Variants in SEMA6D observed in about 807,000 individuals in gnomAD.
SEMA6D encodes semaphorin 6D.
Under a neutral mutation model 106.6 loss-of-function variants are expected in SEMA6D, and 35 were observed. The observed-to-expected ratio is 0.33, with a 90% confidence interval of 0.25 to 0.44. The LOEUF (loss-of-function observed/expected upper bound fraction) is 0.44. Among genes scored for constraint, SEMA6D ranks in the 20% least tolerant of loss-of-function variants. The pLI is 1.00. For missense variants in SEMA6D, 1,185 were observed against 1,345.9 expected (o/e 0.88, Z 1.87); for synonymous variants, 499 against 487.7 (o/e 1.02, Z -0.31).
At chr15:47,314,668 C>G (rs1480036290) in intron 1 of SEMA6D, among the ~76,000 whole-genome samples, 2 of 148,404 alleles carry the variant, frequency 1.3e-5, no homozygotes, top group East Asian at 2.0e-4. Context: ...TAATCAGATA[C>G]TTCTTTTGCA....
chr15:47,553,160 T>G (rs977959588), intron 3 of SEMA6D, among the ~76,000 whole-genome samples: 1 of 151,388 alleles, frequency 6.6e-6, no homozygotes, highest in African/African-American at 2.4e-5. Flanking sequence ...CATCTTGACC[T>G]CCAAAAGTGC....
chr15:47,352,829 C>T (rs553277312), intron 1 of SEMA6D, among the ~76,000 whole-genome samples: 1 of 152,272 alleles, frequency 6.6e-6, no homozygotes, highest in South Asian at 2.1e-4. Context: ...CTAATAGACT[C>T]AGTCACCCAA....
intron 4 of SEMA6D, among the ~76,000 whole-genome samples, chr15:47,630,931 A>G (rs1420810604): frequency 1.3e-5 from 2 of 151,906 alleles, no homozygotes; most frequent in Non-Finnish European, 2.9e-5. Flanking sequence ...CCAGTCTTGC[A>G]TACCTGGAAT....
intron 1 of SEMA6D, among the ~76,000 whole-genome samples, chr15:47,373,164 G>A (rs1319915489): frequency 6.6e-6 from 1 of 152,176 alleles, no homozygotes; most frequent in Non-Finnish European, 1.5e-5. Context: ...CCAGGGATAT[G>A]TGACTATGGA....
chr15:47,688,691 A>T (rs570720238), intron 4 of SEMA6D, among the ~76,000 whole-genome samples: 36 of 152,134 alleles, frequency 2.4e-4, no homozygotes, highest in Non-Finnish European at 4.7e-4. Context: ...TTGGAAGAGG[A>T]CTTATTTTCA....
At chr15:47,339,602 C>T (rs1180184601) in intron 1 of SEMA6D, among the ~76,000 whole-genome samples, 1 of 152,162 alleles carries the variant, frequency 6.6e-6, no homozygotes, top group Non-Finnish European at 1.5e-5. Context: ...GGTGCAATGG[C>T]TCAAGCCTGT....
At chr15:47,567,955 A>G (rs544235531) in intron 3 of SEMA6D, among the ~76,000 whole-genome samples, 3 of 152,322 alleles carry the variant, frequency 2.0e-5, no homozygotes, top group South Asian at 2.1e-4. Context: ...GCCAATAAAC[A>G]TGAAATAAGG....
At chr15:47,571,360 A>C (rs896407958) in intron 3 of SEMA6D, among the ~76,000 whole-genome samples, 2 of 152,252 alleles carry the variant, frequency 1.3e-5, no homozygotes, top group Admixed American at 6.5e-5. Context: ...GAATTTATTC[A>C]AGTGGCTGCC....
chr15:47,415,195 G>A (rs978341039), intron 2 of SEMA6D, among the ~76,000 whole-genome samples: 1 of 152,092 alleles, frequency 6.6e-6, no homozygotes, highest in African/African-American at 2.4e-5. Context: ...ACACTTGACT[G>A]CTCTTATTAA....
chr15:47,219,794 A>G (rs1286196188), intron 1 of SEMA6D, among the ~76,000 whole-genome samples: 1 of 152,236 alleles, frequency 6.6e-6, no homozygotes, highest in Non-Finnish European at 1.5e-5. Flanking sequence ...TCAGCAATAT[A>G]AGCTCCGGTC....
intron 3 of SEMA6D, among the ~76,000 whole-genome samples, chr15:47,546,836 C>G (rs2045537525): frequency 6.6e-6 from 1 of 152,000 alleles, no homozygotes; most frequent in Non-Finnish European, 1.5e-5. Flanking sequence ...ATCTGTGCCC[C>G]TAAGACACAG....
chr15:47,473,897 C>T (rs916816208), intron 3 of SEMA6D, among the ~76,000 whole-genome samples: 7 of 151,918 alleles, frequency 4.6e-5, no homozygotes, highest in African/African-American at 1.7e-4. Flanking sequence ...TTTGTAATCT[C>T]GCAATTCTGG....
chr15:47,591,951 A>G (rs1043866692), intron 3 of SEMA6D, among the ~76,000 whole-genome samples: 1 of 152,170 alleles, frequency 6.6e-6, no homozygotes, highest in Non-Finnish European at 1.5e-5. Context: ...AACTACGGTC[A>G]CATACACCAC....
At chr15:47,341,973 T>C (rs1254723637) in intron 1 of SEMA6D, among the ~76,000 whole-genome samples, 1 of 152,060 alleles carries the variant, frequency 6.6e-6, no homozygotes, top group Non-Finnish European at 1.5e-5. Flanking sequence ...GTGAAATCAT[T>C]CCATGTCTTC....
At chr15:47,293,187 C>G (rs2035662213) in intron 1 of SEMA6D, among the ~76,000 whole-genome samples, 1 of 152,126 alleles carries the variant, frequency 6.6e-6, no homozygotes, top group Non-Finnish European at 1.5e-5. Flanking sequence ...CCTGGTTCTT[C>G]CTTGCATGAA....
intron 4 of SEMA6D, among the ~76,000 whole-genome samples, chr15:47,672,395 A>G (rs755476926): frequency 1.3e-5 from 2 of 152,226 alleles, no homozygotes; most frequent in Non-Finnish European, 2.9e-5. Flanking sequence ...TCTGTTGACT[A>G]CAGACCACAA....
At chr15:47,718,261 C>T (rs897025609) in intron 1 of SEMA6D, among the ~76,000 whole-genome samples, 2 of 152,182 alleles carry the variant, frequency 1.3e-5, no homozygotes, top group Non-Finnish European at 2.9e-5. Context: ...GACGCTGGGA[C>T]GCCCGGGGTC....
At chr15:47,274,015 G>C (rs74013766) in intron 1 of SEMA6D, among the ~76,000 whole-genome samples, 1 of 152,056 alleles carries the variant, frequency 6.6e-6, no homozygotes, top group African/African-American at 2.4e-5. Flanking sequence ...AGAGCTTGGG[G>C]GTATGGACCT....
intron 3 of SEMA6D, among the ~76,000 whole-genome samples, chr15:47,545,724 G>A (rs1245209366): frequency 2.6e-5 from 4 of 152,090 alleles, no homozygotes; most frequent in Non-Finnish European, 5.9e-5. Flanking sequence ...GAGCTAGGTG[G>A]AAAATAATGT....
Sources: allele counts gnomAD v4.1 joint callset (sites outside exome capture counted in the v4.1 genomes callset), GRCh38; gene constraint gnomAD v4.1.1; transcripts MANE v1.5; gene names NCBI Gene and HGNC (gene_info 2026-07-23, HGNC 2026-07-21).